Variants in FHOD3 observed in about 807,000 individuals in gnomAD.
FHOD3 encodes the protein formin homology 2 domain containing 3, also known as FH1/FH2 domain-containing protein 3.
FHOD3 carries 90 observed loss-of-function variants against 173.0 expected under a neutral mutation model. That is an observed-to-expected ratio of 0.52 (90% CI 0.44 to 0.62). The LOEUF is 0.62. FHOD3 is among the 20% of genes least tolerant of loss of function. The pLI is 0.00. For missense variants in FHOD3, 1,945 were observed against 2,034.7 expected (o/e 0.96, Z 0.85); for synonymous variants, 828 against 823.0 (o/e 1.01, Z -0.10).
chr18:36,732,124 A>T (rs983354904), intron 20 of FHOD3, among the ~76,000 whole-genome samples: 2 of 152,182 alleles, frequency 1.3e-5, no homozygotes, highest in Non-Finnish European at 2.9e-5. Context: ...CCATGTGATG[A>T]CGGAGGTGGA....
In FHOD3 at chr18:36,441,040, T is replaced by C. The variant is rs548172312; in HGVS notation, c.338-60892T>C. Among the ~76,000 whole-genome samples, 5 of 152,318 alleles carry C rather than the reference T, an allele frequency of 3.3e-5. No individual in the cohort carries two copies. The East Asian group carries it at 9.7e-4, about 29-fold the overall frequency. ...TGCTTTTTTATAATATTTTCCCCAA[T>C]TGCATGGTTGTGTGTGTAAGGTCAT... On this transcript the variant is annotated intron_variant, in intron 3 of 28. Coordinates refer to ENST00000590592, the MANE Select transcript of FHOD3 (RefSeq NM_001281740.3).
intron 6 of FHOD3, among the ~76,000 whole-genome samples, chr18:36,588,815 G>A (rs1255622912): frequency 6.6e-6 from 1 of 152,134 alleles, no homozygotes; most frequent in East Asian, 1.9e-4. Flanking sequence ...AGATACACAG[G>A]TTCTGTACAG....
intron 3 of FHOD3, among the ~76,000 whole-genome samples, chr18:36,413,115 G>T (rs2049442176): frequency 6.6e-6 from 1 of 152,224 alleles, no homozygotes; most frequent in South Asian, 2.1e-4. Flanking sequence ...AAAGGCATCA[G>T]AAATTTGTCA....
intron 24 of FHOD3, among the ~76,000 whole-genome samples, chr18:36,748,414 C>T (rs1418463244): frequency 4.7e-5 from 7 of 148,666 alleles, no homozygotes; most frequent in African/African-American, 1.8e-4. Flanking sequence ...CACACACACA[C>T]ACACGGAGAG....
chr18:36,675,593 C>A lies in FHOD3; in HGVS notation c.1836-5843C>A, dbSNP rs535276979. Among the ~76,000 whole-genome samples the A allele has an allele frequency of 2.6e-5, 4 of 152,264 alleles. No homozygotes were observed. In the South Asian group the frequency reaches 8.3e-4, roughly 32 times the overall value. ...TGATGGGGTGCCTTTGGGGCAGGCA[C>A]CCACCCTGCATTCACTCAGCTGTTG... On this transcript the variant is annotated intron_variant, in intron 14 of 28. Coordinates refer to ENST00000590592, the MANE Select transcript of FHOD3 (RefSeq NM_001281740.3).
chr18:36,712,720 A>G (rs7226609), intron 18 of FHOD3, among the ~76,000 whole-genome samples: 32,105 of 151,968 alleles, frequency 0.21, 3,948 homozygotes, highest in African/African-American at 0.34. Context: ...ATGGACCAAA[A>G]CTTCTCAAAT....
intron 17 of FHOD3, among the ~76,000 whole-genome samples, chr18:36,695,359 A>AT (rs1482190930): frequency 2.0e-5 from 3 of 152,086 alleles, no homozygotes; most frequent in African/African-American, 7.2e-5. Flanking sequence ...AAAATAAAAA[A>AT]AAAAAAAAAG....
chr18:36,583,457 C>A (rs1347677045), intron 6 of FHOD3, among the ~76,000 whole-genome samples: 1 of 152,216 alleles, frequency 6.6e-6, no homozygotes, highest in Non-Finnish European at 1.5e-5. Context: ...CCCTTCTCCT[C>A]CCCCACCTTG....
chr18:36,302,394 T>TC (rs929514483), intron 1 of FHOD3, among the ~76,000 whole-genome samples: 178 of 151,906 alleles, frequency 1.2e-3, no homozygotes, highest in Non-Finnish European at 3.4e-4. Context: ...CCACCGCCCC[T>TC]CCCCCCCGAC....
At chr18:36,404,833 C>T (rs891612508) in intron 3 of FHOD3, among the ~76,000 whole-genome samples, 5 of 152,104 alleles carry the variant, frequency 3.3e-5, no homozygotes, top group African/African-American at 1.2e-4. Flanking sequence ...TTTTAGCTTT[C>T]GTCGCTAGAA....
chr18:36,504,932 G>A (rs980733127), intron 4 of FHOD3, among the ~76,000 whole-genome samples: 1 of 152,134 alleles, frequency 6.6e-6, no homozygotes, highest in African/African-American at 2.4e-5. Flanking sequence ...TAGTCAAAGT[G>A]CAGGCTCACA....
chr18:36,468,108 G>A lies in FHOD3; in HGVS notation c.338-33824G>A, dbSNP rs545345183. On this transcript the variant is annotated intron_variant, in intron 3 of 28. Transcript: ENST00000590592. Reference sequence around the variant, plus strand: ...CTCCCATGCGAAGCTTCTGGGAGCCGAGAGGGGAAGAAAGGCAGTGAGAAC... The same window carrying A: ...CTCCCATGCGAAGCTTCTGGGAGCCAAGAGGGGAAGAAAGGCAGTGAGAAC... 4.4e-4 allele frequency among the ~76,000 whole-genome samples: 67 copies of A among 152,036 alleles called. 1 individual carries two copies. Among genetic ancestry groups the A allele is most frequent in the African/African-American group, 1.4e-3 (60 of 41,542 alleles).
chr18:36,576,411 A>G (rs746313747), intron 5 of FHOD3, 40 bp from the exon 6 acceptor site: 2 of 1,416,376 alleles, frequency 1.4e-6, no homozygotes, highest in South Asian at 1.2e-5. Context: ...ATATTTCTAT[A>G]TACATCTATA....
At chr18:36,429,943 C>T (rs2050445004) in intron 3 of FHOD3, among the ~76,000 whole-genome samples, 1 of 152,086 alleles carries the variant, frequency 6.6e-6, no homozygotes, top group Non-Finnish European at 1.5e-5. Context: ...AGTGTTCGAC[C>T]AGACTCTGCA....
chr18:36,313,794 C>A (rs2092307386), intron 1 of FHOD3, among the ~76,000 whole-genome samples: 1 of 152,000 alleles, frequency 6.6e-6, no homozygotes, highest in Non-Finnish European at 1.5e-5. Context: ...TACCTAGATT[C>A]TTTATTCAGC....
intron 20 of FHOD3, among the ~76,000 whole-genome samples, chr18:36,734,626 C>A (rs1568694932): frequency 6.6e-6 from 1 of 152,148 alleles, no homozygotes; most frequent in Non-Finnish European, 1.5e-5. Flanking sequence ...ACCTGAGAGG[C>A]AGAGATGATC....
intron 3 of FHOD3, among the ~76,000 whole-genome samples, chr18:36,411,512 C>T (rs1316442600): frequency 6.6e-6 from 1 of 152,190 alleles, no homozygotes; most frequent in African/African-American, 2.4e-5. Context: ...AAAATCTGGC[C>T]TCTAAACACC....
intron 3 of FHOD3, among the ~76,000 whole-genome samples, chr18:36,384,815 C>T (rs1300497889): frequency 6.6e-6 from 1 of 152,168 alleles, no homozygotes; most frequent in African/African-American, 2.4e-5. Context: ...GACCTAGTGC[C>T]TCCCTCCTGG....
chr18:36,741,387 A>C (rs889670917), intron 21 of FHOD3, among the ~76,000 whole-genome samples: 1 of 152,208 alleles, frequency 6.6e-6, no homozygotes, highest in African/African-American at 2.4e-5. Context: ...CAGGCTGAAC[A>C]GAAGGAGCCA....
Sources: allele counts gnomAD v4.1 joint callset (sites outside exome capture counted in the v4.1 genomes callset), GRCh38; gene constraint gnomAD v4.1.1; transcripts MANE v1.5; gene names NCBI Gene and HGNC (gene_info 2026-07-23, HGNC 2026-07-21).